CBLN2: variants seen among roughly 807,000 people sequenced by gnomAD.
CBLN2 encodes cerebellin-2.
CBLN2 carries 7 observed loss-of-function variants against 15.0 expected under a neutral mutation model. The ratio of observed to expected loss-of-function variants is 0.47; its 90% CI spans 0.27 to 0.88. The LOEUF (loss-of-function observed/expected upper bound fraction) is 0.88. CBLN2 is among the 40% of genes least tolerant of loss of function. The pLI, the probability that CBLN2 is intolerant of heterozygous loss-of-function variation, is 0.14. For missense variants in CBLN2, 242 were observed against 304.5 expected, an observed-to-expected ratio of 0.79 and a Z score of 1.53; for synonymous variants, 149 against 135.2, an observed-to-expected ratio of 1.10 and a Z score of -0.71.
At chr18:72,544,751 G>T (rs2069146361), upstream of CBLN2, 1 of 152,140 alleles carries the variant, frequency 6.6e-6, no homozygotes, top group East Asian at 1.9e-4. Flanking sequence ...GATCTTCACT[G>T]ATCTAACAAA....
chr18:72,631,320 T>C (rs1421842168), intron 1 of CBLN2, among the ~76,000 whole-genome samples: 1 of 152,148 alleles, frequency 6.6e-6, no homozygotes, highest in East Asian at 1.9e-4. Flanking sequence ...ATCCCTACTG[T>C]TGGTTCAAAT....
At chr18:72,577,461 A>G (rs2144914079) in intron 1 of CBLN2, among the ~76,000 whole-genome samples, 1 of 152,310 alleles carries the variant, frequency 6.6e-6, no homozygotes, top group South Asian at 2.1e-4. Context: ...CAGAATCCTT[A>G]ATAAGTCCAT....
chr18:72,609,776 T>G (rs2069608626), intron 1 of CBLN2, among the ~76,000 whole-genome samples: 1 of 152,218 alleles, frequency 6.6e-6, no homozygotes, highest in African/African-American at 2.4e-5. Context: ...GAGAGCAAAC[T>G]TCAGAAGTGC....
chr18:72,542,947 AC>A (rs2069129130), intron 2 of CBLN2: 1 of 157,510 alleles, frequency 6.3e-6, no homozygotes, highest in African/African-American at 2.4e-5. Context: ...ACACACACAC[AC>A]ACACACACAC....
intron 1 of CBLN2, among the ~76,000 whole-genome samples, chr18:72,594,940 G>T (rs72971237): frequency 0.14 from 20,797 of 149,346 alleles, 1,847 homozygotes; most frequent in Admixed American, 0.28. Context: ...CTTGGTAAAG[G>T]TTTGCTGGTT....
At chr18:72,548,309 A>G (rs903148562), upstream of CBLN2, among the ~76,000 whole-genome samples, 1 of 152,252 alleles carries the variant, frequency 6.6e-6, no homozygotes, top group Non-Finnish European at 1.5e-5. Context: ...GCCTAGATCT[A>G]GATCGAATAG....
In CBLN2 at chr18:72,584,374, C is replaced by A. The variant is rs1170289648; in HGVS notation, c.16-45602G>T. Among the ~76,000 whole-genome samples, 4 of 151,680 alleles carry A rather than the reference C, an allele frequency of 2.6e-5. No individual in the cohort carries two copies. In the East Asian group the frequency reaches 5.8e-4, roughly 22 times the overall value. On this transcript the variant is annotated intron_variant, in intron 1 of 2. Transcript: ENST00000581073. ...GTCACCAGGCTGGAGTGCAGTGGTG[C>A]AATCTCAGCTCACTGCAACCTCTGC...
intron 1 of CBLN2, among the ~76,000 whole-genome samples, chr18:72,580,357 G>A (rs1240130333): frequency 6.6e-6 from 1 of 151,920 alleles, no homozygotes; most frequent in Non-Finnish European, 1.5e-5. Context: ...TTATTCCATT[G>A]CAAACACATA....
At position 72,537,392 on chromosome 18, in the gene CBLN2, A is replaced by T. The variant is rs1015754273; in HGVS notation, c.*784T>A. On this transcript the variant is annotated 3_prime_UTR_variant, in exon 5 of 5. Transcript: ENST00000269503. ...TTAGTTTGGTCTCGTCTAAAACAAA[A>T]CATACAGGTATTTTAATGTTTTGTT... 1 of 152,252 alleles carries T rather than the reference A, an allele frequency of 6.6e-6. No individual in the cohort carries two copies. The highest frequency in any genetic ancestry group is 2.4e-5 in the African/African-American group (1 of 41,454). The allele number at this position is 152,252 out of a possible 1,614,324, so 9.4% of individuals were successfully genotyped here. A position where few individuals can be genotyped will look rare whatever the true frequency, so the allele number is the denominator to read the frequency against.
chr18:72,589,198 G>A (rs771094256), intron 1 of CBLN2, among the ~76,000 whole-genome samples: 14 of 152,162 alleles, frequency 9.2e-5, no homozygotes, highest in Non-Finnish European at 1.2e-4. Context: ...GAGCATTTAA[G>A]TAATAATTGG....
intron 1 of CBLN2, among the ~76,000 whole-genome samples, chr18:72,565,562 G>A (rs2069289090): frequency 6.6e-6 from 1 of 152,138 alleles, no homozygotes; most frequent in Admixed American, 6.5e-5. Context: ...AAGTTAAGTT[G>A]TTATCAACTT....
At chr18:72,615,242 TAA>T (rs1163128092) in intron 1 of CBLN2, among the ~76,000 whole-genome samples, 2 of 136,294 alleles carry the variant, frequency 1.5e-5, no homozygotes, top group African/African-American at 2.7e-5. Context: ...ATTATATATA[TAA>T]ATATATATTT....
At chr18:72,611,727 G>A (rs2069623939) in intron 1 of CBLN2, among the ~76,000 whole-genome samples, 1 of 152,118 alleles carries the variant, frequency 6.6e-6, no homozygotes, top group Admixed American at 6.5e-5. Context: ...CTTTTGCTGG[G>A]CAGAAGCTCT....
At chr18:72,607,473 C>T (rs1355169498) in intron 1 of CBLN2, among the ~76,000 whole-genome samples, 1 of 152,190 alleles carries the variant, frequency 6.6e-6, no homozygotes, top group African/African-American at 2.4e-5. Context: ...TCAGTTGTGG[C>T]TACCTTCTTT....
intron 1 of CBLN2, among the ~76,000 whole-genome samples, chr18:72,624,116 G>A (rs1857056204): frequency 6.6e-6 from 1 of 152,014 alleles, no homozygotes; most frequent in East Asian, 1.9e-4. Context: ...CTGACTCACA[G>A]TGGACACATA....
chr18:72,566,590 G>A (rs898532664), intron 1 of CBLN2, among the ~76,000 whole-genome samples: 1 of 152,130 alleles, frequency 6.6e-6, no homozygotes, highest in East Asian at 1.9e-4. Flanking sequence ...CTCATGTATG[G>A]AATCTAAAAA....
chr18:72,610,046 G>T (rs918901176), intron 1 of CBLN2, among the ~76,000 whole-genome samples: 3 of 152,132 alleles, frequency 2.0e-5, no homozygotes, highest in Admixed American at 1.3e-4. Flanking sequence ...TGTCAACCCA[G>T]GGCCACCCAC....
chr18:72,628,579 C>T (rs1416862504), intron 1 of CBLN2, among the ~76,000 whole-genome samples: 2 of 152,140 alleles, frequency 1.3e-5, no homozygotes, highest in East Asian at 1.9e-4. Flanking sequence ...GGGCTGTTCC[C>T]GCAAGAGAAA....
At chr18:72,619,022 AT>A in intron 1 of CBLN2, 1 of 762,002 alleles carries the variant, frequency 1.3e-6, no homozygotes, top group Non-Finnish European at 2.4e-6. Context: ...GATGGAAGCA[AT>A]TTTGGAGGTG....
Sources: gnomAD v4.1 joint callset for allele counts (sites outside exome capture counted in the v4.1 genomes callset) on GRCh38, gnomAD v4.1.1 for gene constraint, MANE v1.5 for transcripts, NCBI Gene and HGNC (gene_info 2026-07-23, HGNC 2026-07-21) for gene names.